Variants in NPAS3 observed in about 807,000 individuals in gnomAD.
NPAS3 encodes the protein neuronal PAS domain-containing protein 3.
NPAS3 carries 14 observed loss-of-function variants against 73.1 expected under a neutral mutation model. The observed-to-expected ratio is 0.19, with a 90% CI of 0.13 to 0.30. NPAS3 has a LOEUF of 0.30. NPAS3 is among the 10% of genes least tolerant of loss of function. The probability of loss-of-function intolerance (pLI) is 1.00; values close to 1 mark genes in which losing one functional copy is unlikely to be tolerated. For synonymous variants in NPAS3, 620 were observed against 541.5 expected (o/e 1.14, Z -2.01); for missense variants, 1,096 against 1,250.0 (o/e 0.88, Z 1.86).
At chr14:33,166,058 C>T (rs1468189974) in intron 2 of NPAS3, among the ~76,000 whole-genome samples, 1 of 152,186 alleles carries the variant, frequency 6.6e-6, no homozygotes, top group Admixed American at 6.5e-5. Flanking sequence ...CACCATGCCT[C>T]CCCATGTGCT....
rs573909178 is a variant in NPAS3, at chr14:33,769,491, G to C, written c.853-4846G>C. On this transcript the variant is annotated intron_variant, in intron 7 of 11. Transcript: ENST00000356141. ...TCAGGTCCCATTGCCAATTTCCATT[G>C]ATTGTACTGCCATCTGGGCCCCATC... Among the ~76,000 whole-genome samples, 70 of 152,276 alleles carry C rather than the reference G, an allele frequency of 4.6e-4. 2 individuals carry two copies. In the South Asian group the frequency reaches 0.014, roughly 31 times the overall value.
chr14:33,234,524 T>C (rs951356672), intron 3 of NPAS3, among the ~76,000 whole-genome samples: 1 of 152,142 alleles, frequency 6.6e-6, no homozygotes, highest in African/African-American at 2.4e-5. Flanking sequence ...ACTGACTAAA[T>C]AGACTTCTCT....
At chr14:33,271,904 A>G (rs143333092) in intron 3 of NPAS3, among the ~76,000 whole-genome samples, 1,524 of 152,252 alleles carry the variant, frequency 0.01, 11 homozygotes, top group Non-Finnish European at 0.015. Flanking sequence ...TGACTTTTTC[A>G]AAGAGAAAGT....
chr14:33,471,794 A>T (rs1479668073), intron 4 of NPAS3, among the ~76,000 whole-genome samples: 3 of 152,340 alleles, frequency 2.0e-5, no homozygotes, highest in East Asian at 1.9e-4. Context: ...CCCATTAGGA[A>T]CTGGGCTGCA....
intron 6 of NPAS3, among the ~76,000 whole-genome samples, chr14:33,725,846 C>T (rs184206517): frequency 2.0e-4 from 31 of 152,216 alleles, no homozygotes; most frequent in Admixed American, 4.6e-4. Flanking sequence ...TTTCTTTGAT[C>T]GCAAAACCCT....
At chr14:33,604,141 T>C (rs1279328530) in intron 5 of NPAS3, among the ~76,000 whole-genome samples, 5 of 152,056 alleles carry the variant, frequency 3.3e-5, no homozygotes, top group Admixed American at 2.6e-4. Flanking sequence ...CATGGCAAGA[T>C]GATAGATTTA....
At chr14:33,782,073 CCTAGGGAGTT>C (rs987380413) in intron 9 of NPAS3, among the ~76,000 whole-genome samples, 52 of 152,318 alleles carry the variant, frequency 3.4e-4, no homozygotes, top group African/African-American at 1.2e-3. Flanking sequence ...AACTCTAAAG[CCTAGGGAGTT>C]CTAGGGCCCC....
At chr14:33,407,765 A>T (rs960237063) in intron 4 of NPAS3, among the ~76,000 whole-genome samples, 1 of 151,990 alleles carries the variant, frequency 6.6e-6, no homozygotes, top group African/African-American at 2.4e-5. Flanking sequence ...CTAAACACAG[A>T]TATCCTCAAG....
intron 4 of NPAS3, among the ~76,000 whole-genome samples, chr14:33,421,689 G>T (rs2048364326): frequency 6.6e-6 from 1 of 151,912 alleles, no homozygotes; most frequent in Non-Finnish European, 1.5e-5. Flanking sequence ...AAGGTGATCT[G>T]CTAGATACTT....
At chr14:33,261,411 C>A (rs925981476) in intron 3 of NPAS3, among the ~76,000 whole-genome samples, 3 of 152,038 alleles carry the variant, frequency 2.0e-5, no homozygotes, top group African/African-American at 7.3e-5. Context: ...TTAAATTAGA[C>A]TCTGCTAGAC....
intron 4 of NPAS3, among the ~76,000 whole-genome samples, chr14:33,379,977 C>CGTGTGTGTGT (rs34208750): frequency 0.026 from 3,799 of 144,284 alleles, 84 homozygotes; most frequent in South Asian, 0.077. Flanking sequence ...AGTTATCCCT[C>CGTGTGTGTGT]GTGTGTGTGT....
At chr14:33,233,240 A>G (rs2047916361) in intron 3 of NPAS3, among the ~76,000 whole-genome samples, 1 of 152,162 alleles carries the variant, frequency 6.6e-6, no homozygotes, top group Non-Finnish European at 1.5e-5. Context: ...TTCACAAACA[A>G]TGAACCCCGA....
intron 1 of NPAS3, among the ~76,000 whole-genome samples, chr14:32,952,376 C>G (rs966993736): frequency 6.6e-6 from 1 of 152,034 alleles, no homozygotes; most frequent in African/African-American, 2.4e-5. Context: ...TGGCTAGGTA[C>G]TAGAAGATGA....
At chr14:33,266,217 G>A (rs2040810671) in intron 3 of NPAS3, among the ~76,000 whole-genome samples, 1 of 152,092 alleles carries the variant, frequency 6.6e-6, no homozygotes, top group Non-Finnish European at 1.5e-5. Flanking sequence ...GAGTTTAAAT[G>A]CACAATTTCC....
At chr14:33,615,483 G>A (rs2057886240) in intron 5 of NPAS3, among the ~76,000 whole-genome samples, 1 of 152,122 alleles carries the variant, frequency 6.6e-6, no homozygotes, top group South Asian at 2.1e-4. Context: ...AATATTGAGA[G>A]AAAAGAGAAA....
At chr14:33,486,709 G>C (rs930972771) in intron 4 of NPAS3, among the ~76,000 whole-genome samples, 2 of 152,152 alleles carry the variant, frequency 1.3e-5, no homozygotes, top group African/African-American at 4.8e-5. Context: ...GCATGCTGAG[G>C]GGCCCGGCAG....
At chr14:33,736,952 G>T (rs73258992) in intron 7 of NPAS3, among the ~76,000 whole-genome samples, 7,041 of 152,180 alleles carry the variant, frequency 0.046, 239 homozygotes, top group African/African-American at 0.11. Context: ...TTAAGAACAC[G>T]GCAATATGCT....
intron 2 of NPAS3, among the ~76,000 whole-genome samples, chr14:33,188,144 A>ATT (rs2046046614): frequency 1.3e-5 from 2 of 152,220 alleles, no homozygotes. Flanking sequence ...CGCTGTGAGG[A>ATT]TTACTGAGAT....
intron 5 of NPAS3, among the ~76,000 whole-genome samples, chr14:33,610,236 T>C (rs2057707937): frequency 6.6e-6 from 1 of 152,122 alleles, no homozygotes. Context: ...AGTCCCAAGG[T>C]TTGTCTTCCC....
Sources: gnomAD v4.1 joint callset for allele counts (sites outside exome capture counted in the v4.1 genomes callset) on GRCh38, gnomAD v4.1.1 for gene constraint, MANE v1.5 for transcripts, NCBI Gene and HGNC (gene_info 2026-07-23, HGNC 2026-07-21) for gene names.